Variants in CBR4 observed in about 807,000 individuals in gnomAD.
CBR4 encodes carbonyl reductase 4.
CBR4 carries 22 observed loss-of-function variants against 21.0 expected under a neutral mutation model. The observed-to-expected ratio is 1.05, with a 90% CI of 0.75 to 1.50. The LOEUF (loss-of-function observed/expected upper bound fraction) is 1.50. Ranked by LOEUF, CBR4 falls within the 40% of genes most tolerant of loss-of-function variation. CBR4 has a pLI of 0.00. For missense variants in CBR4, 302 were observed against 286.3 expected (o/e 1.05, Z -0.40); for synonymous variants, 100 against 104.4 (o/e 0.96, Z 0.26).
chr4:168,897,109 C>T (rs1337818534), intron 2 of CBR4, among the ~76,000 whole-genome samples: 1 of 152,176 alleles, frequency 6.6e-6, no homozygotes, highest in Non-Finnish European at 1.5e-5. Flanking sequence ...GGGAATACGG[C>T]ATGAGCCACA....
Position 168,987,692 on chromosome 4 carries a change from A to C in CBR4, c.*2458T>G. On this transcript the variant is annotated 3_prime_UTR_variant, in exon 5 of 5. Transcript: ENST00000306193. The stretch of plus-strand genomic sequence containing the variant: ...ACATATTCCTTTTGAAAATCTTAGA[A>C]AAAATGTTTCACCAATGTTAAGGTA... The C allele has an allele frequency of 1.0e-6, 1 of 982,872 alleles. No individual in the cohort carries two copies. The highest frequency in any genetic ancestry group is 1.2e-6 in the Non-Finnish European group (1 of 827,572). 60.9% of individuals were successfully genotyped at this position (982,872 alleles called of 1,614,324 possible). A position where few individuals can be genotyped will look rare whatever the true frequency, so the allele number is the denominator to read the frequency against.
intron 2 of CBR4, among the ~76,000 whole-genome samples, chr4:168,959,965 A>G (rs2126724176): frequency 6.6e-6 from 1 of 152,232 alleles, no homozygotes; most frequent in Middle Eastern, 3.4e-3. Context: ...TGTTAACGAT[A>G]TTGAATCTTC....
Position 168,911,290 on chromosome 4 carries a change from T to C in CBR4, n.170-16525A>G, listed in dbSNP as rs1560907031. ...CCATACCTCCTTTTCCAAATTCAAG[T>C]TTAAGTCTGAATTTAACTTACATTA... On this transcript the variant is annotated intron_variant and non_coding_transcript_variant, in intron 2 of 3. Coordinates refer to the CBR4 transcript ENST00000509108. Among the ~76,000 whole-genome samples, 3 of 152,228 alleles carry C rather than the reference T, an allele frequency of 2.0e-5. No individual in the cohort carries two copies. In the South Asian group the frequency reaches 6.2e-4, roughly 32 times the overall value.
intron 2 of CBR4, among the ~76,000 whole-genome samples, chr4:168,904,541 A>G (rs1420504696): frequency 6.6e-6 from 1 of 152,174 alleles, no homozygotes; most frequent in Non-Finnish European, 1.5e-5. Flanking sequence ...TTATTATGTT[A>G]TACATTTTAG....
rs55781435 is a variant in CBR4 at position 168,908,422 on chromosome 4, C to T, written n.170-13657G>A. The stretch of plus-strand genomic sequence containing the variant: ...ATCTCAGCTTTACAACATCTATTAC[C>T]GTATATTAAAACTTTTTTCTTATAA... On this transcript the variant is annotated intron_variant and non_coding_transcript_variant, in intron 2 of 3. Coordinates refer to the CBR4 transcript ENST00000509108. Among the ~76,000 whole-genome samples, 387 of 151,840 alleles carry T rather than the reference C, an allele frequency of 2.5e-3. 1 individual carries two copies. Among genetic ancestry groups the T allele is most frequent in the African/African-American group, 8.8e-3 (366 of 41,412 alleles).
At chr4:168,937,712 A>AAG (rs1156614890) in intron 2 of CBR4, among the ~76,000 whole-genome samples, 1 of 152,248 alleles carries the variant, frequency 6.6e-6, no homozygotes, top group Non-Finnish European at 1.5e-5. Context: ...AAAAGAGACA[A>AAG]AGAACGGCAT....
At chr4:168,983,356 T>C (rs535839791), downstream of CBR4, among the ~76,000 whole-genome samples, 5 of 152,058 alleles carry the variant, frequency 3.3e-5, no homozygotes, top group Admixed American at 6.5e-5. Context: ...TCTCCCAAGA[T>C]TGAACCAGGA....
chr4:168,982,172 C>T (rs887848298), intron 2 of CBR4, among the ~76,000 whole-genome samples: 1 of 152,080 alleles, frequency 6.6e-6, no homozygotes, highest in Middle Eastern at 3.2e-3. Context: ...CTTCAAGAGA[C>T]CATCTCACAT....
At chr4:168,987,039 G>A (rs1311173976), downstream of CBR4, among the ~76,000 whole-genome samples, 3 of 152,094 alleles carry the variant, frequency 2.0e-5, no homozygotes, top group African/African-American at 7.2e-5. Flanking sequence ...TTCCAGGGAG[G>A]GGGTCTCCTG....
intron 2 of CBR4, among the ~76,000 whole-genome samples, chr4:168,979,206 G>A (rs1764466713): frequency 6.7e-6 from 1 of 149,690 alleles, no homozygotes; most frequent in Non-Finnish European, 1.5e-5. Flanking sequence ...CCCCCACTGA[G>A]CTCTCAGCTG....
At chr4:168,944,780 G>A (rs531453817) in intron 2 of CBR4, among the ~76,000 whole-genome samples, 1 of 152,058 alleles carries the variant, frequency 6.6e-6, no homozygotes, top group African/African-American at 2.4e-5. Flanking sequence ...AAAGTGCAAT[G>A]GAATTTATGT....
At chr4:168,926,509 C>T in intron 2 of CBR4, 1 of 657,494 alleles carries the variant, frequency 1.5e-6, no homozygotes, top group Middle Eastern at 3.1e-4. Context: ...AAAAAAACAC[C>T]AAAATAATAT....
intron 2 of CBR4, among the ~76,000 whole-genome samples, chr4:168,945,647 C>T (rs1417310255): frequency 6.6e-6 from 1 of 152,128 alleles, no homozygotes; most frequent in East Asian, 1.9e-4. Context: ...AAAGGCAAAG[C>T]CTCTCTAAGG....
intron 2 of CBR4, among the ~76,000 whole-genome samples, chr4:168,911,804 T>C (rs1223049379): frequency 1.3e-5 from 2 of 152,208 alleles, no homozygotes; most frequent in East Asian, 1.9e-4. Context: ...TTAGACTTCA[T>C]GTCTCCTTGG....
At chr4:168,938,255 T>C (rs969204080) in intron 2 of CBR4, among the ~76,000 whole-genome samples, 2 of 152,284 alleles carry the variant, frequency 1.3e-5, no homozygotes, top group East Asian at 1.9e-4. Flanking sequence ...AATAAGTTCT[T>C]TGAAACTAAC....
chr4:168,927,156 C>T (rs566629123), intron 2 of CBR4: 1 of 228,978 alleles, frequency 4.4e-6, no homozygotes, highest in South Asian at 1.8e-4. Context: ...ATCCAAACCA[C>T]CCAAATGACC....
In CBR4 at chr4:168,987,828, T is replaced by C. The variant is rs1578986245; in HGVS notation, c.*2322A>G. The C allele has an allele frequency of 1.0e-6, 1 of 976,090 alleles. No individual in the cohort carries two copies. The highest frequency in any genetic ancestry group is 1.8e-5 in the African/African-American group (1 of 57,130). The allele number at this position is 976,090 out of a possible 1,614,324, so 60.5% of individuals were successfully genotyped here. On this transcript the variant is annotated 3_prime_UTR_variant, in exon 5 of 5. Coordinates refer to ENST00000306193, the MANE Select transcript of CBR4 (RefSeq NM_032783.5). ...TTCCCCCCAAAACTAATTTATAACA[T>C]ATAATTATCTCCCTAAAAAGCAGTT...
At chr4:168,948,540 G>T (rs906608733) in intron 2 of CBR4, among the ~76,000 whole-genome samples, 12 of 152,098 alleles carry the variant, frequency 7.9e-5, no homozygotes, top group African/African-American at 2.7e-4. Context: ...GTTGATTTTT[G>T]TATAAGGTGA....
At chr4:168,991,777 GAAAGCAATATT>G (rs1404238590) in intron 4 of CBR4, among the ~76,000 whole-genome samples, 1 of 151,992 alleles carries the variant, frequency 6.6e-6, no homozygotes, top group Non-Finnish European at 1.5e-5. Context: ...TTTTTAAAAA[GAAAGCAATATT>G]AATCCTCATG....
Sources: gnomAD v4.1 joint callset for allele counts (sites outside exome capture counted in the v4.1 genomes callset) on GRCh38, gnomAD v4.1.1 for gene constraint, MANE v1.5 for transcripts, NCBI Gene and HGNC (gene_info 2026-07-23, HGNC 2026-07-21) for gene names.